OPCML: variants seen among roughly 807,000 people sequenced by gnomAD.
OPCML encodes opioid binding protein/cell adhesion molecule like, also known as opioid-binding protein/cell adhesion molecule.
In OPCML, 13 loss-of-function variants were observed where a neutral mutation model predicts 37.8. The observed-to-expected ratio is 0.34, with a 90% CI of 0.22 to 0.55. The LOEUF (loss-of-function observed/expected upper bound fraction) is 0.55. Ranked by LOEUF, OPCML falls within the 20% of genes least tolerant of loss-of-function variation. The pLI, the probability that OPCML is intolerant of heterozygous loss-of-function variation, is 0.91. For missense variants in OPCML, 341 were observed against 435.6 expected, an observed-to-expected ratio of 0.78 and a Z score of 1.93; for synonymous variants, 176 against 168.8, an observed-to-expected ratio of 1.04 and a Z score of -0.33.
At chr11:132,948,890 A>G (rs2136692239) in intron 1 of OPCML, among the ~76,000 whole-genome samples, 1 of 152,354 alleles carries the variant, frequency 6.6e-6, no homozygotes, top group Admixed American at 6.5e-5. Flanking sequence ...AGACCTACAG[A>G]AGTCTCGTTT....
intron 2 of OPCML, among the ~76,000 whole-genome samples, chr11:132,673,979 C>A (rs575685795): frequency 5.9e-4 from 90 of 152,262 alleles, no homozygotes; most frequent in Middle Eastern, 6.8e-3. Context: ...CCTGGTTCTA[C>A]CTTTTTCCAA....
At chr11:133,451,843 G>C (rs1269293497) in intron 1 of OPCML, among the ~76,000 whole-genome samples, 1 of 148,332 alleles carries the variant, frequency 6.7e-6, no homozygotes, top group African/African-American at 2.5e-5. Flanking sequence ...ACTCCAACTA[G>C]AAAAAAAAAA....
intron 3 of OPCML, among the ~76,000 whole-genome samples, chr11:132,587,742 C>A (rs531984427): frequency 6.6e-6 from 1 of 152,172 alleles, no homozygotes; most frequent in African/African-American, 2.4e-5. Flanking sequence ...TAAAGCTCCT[C>A]CCCTAATGGA....
At chr11:133,316,989 G>C (rs1943218372) in intron 1 of OPCML, among the ~76,000 whole-genome samples, 1 of 152,172 alleles carries the variant, frequency 6.6e-6, no homozygotes, top group African/African-American at 2.4e-5. Flanking sequence ...CCTAAAGTCA[G>C]GAGCTTGAGA....
Position 133,434,946 on chromosome 11 carries a change from G to T in OPCML, c.61+97318C>A, listed in dbSNP as rs183463528. 3.1e-3 allele frequency among the ~76,000 whole-genome samples: 463 copies of T among 150,984 alleles called. 2 individuals are homozygous for T. Among genetic ancestry groups the T allele is most frequent in the Non-Finnish European group, 5.6e-3 (381 of 67,784 alleles). On this transcript the variant is annotated intron_variant, in intron 1 of 7. Coordinates refer to ENST00000524381, the MANE Select transcript of OPCML (RefSeq NM_001012393.5). ...ATTCTGCAGTAGTGCAGACATGAAA[G>T]GTCCACCATACATTCTGTACAGAAA...
intron 1 of OPCML, among the ~76,000 whole-genome samples, chr11:133,221,283 G>T (rs915204363): frequency 1.3e-5 from 2 of 152,172 alleles, no homozygotes; most frequent in East Asian, 1.9e-4. Flanking sequence ...GTCGAAGCAG[G>T]TTGGTTCGTA....
At chr11:133,401,716 A>G (rs963615400) in intron 1 of OPCML, among the ~76,000 whole-genome samples, 1 of 152,210 alleles carries the variant, frequency 6.6e-6, no homozygotes, top group Non-Finnish European at 1.5e-5. Context: ...AGCTGAGAAG[A>G]TGTCTAGTTT....
chr11:132,750,384 C>T (rs539531461), intron 2 of OPCML, among the ~76,000 whole-genome samples: 191 of 152,232 alleles, frequency 1.3e-3, no homozygotes, highest in African/African-American at 4.3e-3. Context: ...GAAGGGACAA[C>T]CACAGGAGGC....
intron 2 of OPCML, among the ~76,000 whole-genome samples, chr11:132,834,373 C>A (rs563880039): frequency 2.6e-5 from 4 of 152,158 alleles, no homozygotes; most frequent in African/African-American, 9.6e-5. Flanking sequence ...GAATACTAGG[C>A]GTAAGCTTCT....
intron 1 of OPCML, chr11:133,066,075 G>C (rs1050970757): frequency 2.6e-5 from 4 of 152,696 alleles, no homozygotes; most frequent in African/African-American, 9.6e-5. Flanking sequence ...TAGAGTGCTA[G>C]AACAGAGCCG....
At chr11:132,818,223 C>G (rs763432596) in intron 2 of OPCML, among the ~76,000 whole-genome samples, 19 of 152,106 alleles carry the variant, frequency 1.2e-4, no homozygotes, top group Non-Finnish European at 2.5e-4. Context: ...TTTCAATTTT[C>G]TATTGAAATT....
At chr11:132,573,296 T>A (rs1591570067) in intron 3 of OPCML, among the ~76,000 whole-genome samples, 1 of 151,780 alleles carries the variant, frequency 6.6e-6, no homozygotes, top group East Asian at 1.9e-4. Context: ...ATAGAAGGAG[T>A]GAGAATAGCT....
At chr11:132,811,869 G>A (rs1337094410) in intron 2 of OPCML, among the ~76,000 whole-genome samples, 1 of 152,162 alleles carries the variant, frequency 6.6e-6, no homozygotes, top group African/African-American at 2.4e-5. Context: ...ATAGGCAGAC[G>A]GATTAGAGCA....
At chr11:132,813,276 T>A (rs536379933) in intron 2 of OPCML, among the ~76,000 whole-genome samples, 2 of 152,350 alleles carry the variant, frequency 1.3e-5, no homozygotes, top group East Asian at 3.9e-4. Context: ...AGTGTCTCAA[T>A]TATAACTAGG....
intron 1 of OPCML, among the ~76,000 whole-genome samples, chr11:133,259,758 A>G (rs1941430089): frequency 6.6e-6 from 1 of 152,228 alleles, no homozygotes; most frequent in Non-Finnish European, 1.5e-5. Flanking sequence ...ACCAAGGGCA[A>G]ATGAGGGATA....
chr11:133,032,915 A>T (rs554159074), intron 1 of OPCML, among the ~76,000 whole-genome samples: 1 of 152,352 alleles, frequency 6.6e-6, no homozygotes, highest in South Asian at 2.1e-4. Flanking sequence ...TTCCCTTCTG[A>T]AGAGAATTTT....
chr11:133,290,473 A>C (rs182074239), intron 1 of OPCML, among the ~76,000 whole-genome samples: 1 of 152,304 alleles, frequency 6.6e-6, no homozygotes, highest in Admixed American at 6.5e-5. Flanking sequence ...GAAAAGACTA[A>C]TGCCTCTAGG....
At chr11:133,262,199 G>A (rs186759837) in intron 1 of OPCML, among the ~76,000 whole-genome samples, 161 of 152,212 alleles carry the variant, frequency 1.1e-3, no homozygotes, top group African/African-American at 3.5e-3. Flanking sequence ...CATATTTGAC[G>A]TTTTTGTGTG....
intron 1 of OPCML, among the ~76,000 whole-genome samples, chr11:133,241,605 G>A (rs4937758): frequency 0.5 from 75,694 of 152,062 alleles, 20,242 homozygotes; most frequent in African/African-American, 0.68. Flanking sequence ...ACTAGCCTTC[G>A]CTCACATTTT....
Sources: allele counts gnomAD v4.1 joint callset (sites outside exome capture counted in the v4.1 genomes callset), GRCh38; gene constraint gnomAD v4.1.1; transcripts MANE v1.5; gene names NCBI Gene and HGNC (gene_info 2026-07-23, HGNC 2026-07-21).